MAGI2: variants seen among roughly 807,000 people sequenced by gnomAD.
The protein encoded by MAGI2 is membrane-associated guanylate kinase, WW and PDZ domain-containing protein 2.
MAGI2 carries 35 observed loss-of-function variants against 133.3 expected under a neutral mutation model. That is an observed-to-expected ratio of 0.26 (90% CI 0.20 to 0.35). MAGI2 has a LOEUF of 0.35. MAGI2 is among the 10% of genes least tolerant of loss of function. The pLI, the probability that MAGI2 is intolerant of heterozygous loss-of-function variation, is 1.00. For synonymous variants in MAGI2, 729 were observed against 710.6 expected, an observed-to-expected ratio of 1.03 and a Z score of -0.41; for missense variants, 1,636 against 1,863.4, an observed-to-expected ratio of 0.88 and a Z score of 2.25.
At chr7:78,766,948 A>G (rs1825088673) in intron 2 of MAGI2, among the ~76,000 whole-genome samples, 2 of 151,886 alleles carry the variant, frequency 1.3e-5, no homozygotes, top group Non-Finnish European at 2.9e-5. Flanking sequence ...AACCTCTGAT[A>G]TCTGTGAAAC....
chr7:79,198,837 G>C (rs1281525330), intron 1 of MAGI2, among the ~76,000 whole-genome samples: 2 of 151,858 alleles, frequency 1.3e-5, no homozygotes, highest in Non-Finnish European at 2.9e-5. Context: ...GTAGTGAACA[G>C]AGATCGTGCC....
intron 3 of MAGI2, among the ~76,000 whole-genome samples, chr7:78,544,973 G>C (rs1014805399): frequency 1.3e-5 from 2 of 151,298 alleles, no homozygotes; most frequent in Non-Finnish European, 2.9e-5. Context: ...TCTTAATTTC[G>C]TAATCTAGTA....
At chr7:79,101,678 C>G (rs1356711101) in intron 1 of MAGI2, among the ~76,000 whole-genome samples, 1 of 143,614 alleles carries the variant, frequency 7.0e-6, no homozygotes, top group African/African-American at 2.6e-5. Context: ...GAGCCGAGAT[C>G]GCGCCACCGC....
In MAGI2 at chr7:78,347,898, T is replaced by C. The variant is rs933248023; in HGVS notation, c.1104-1855A>G. On this transcript the variant is annotated intron_variant, in intron 7 of 21. Transcript: ENST00000354212. ...TGTGGTGCACAGTGAACTAATAATA[T>C]CTGTGCCTGTAAAGCATGTGAGCTG... is the stretch of plus-strand genomic sequence containing the variant. Among the ~76,000 whole-genome samples the C allele has an allele frequency of 2.6e-5, 4 of 152,350 alleles. 1 individual carries two copies. Among genetic ancestry groups the C allele is most frequent in the Middle Eastern group, 6.8e-3 (2 of 294 alleles).
chr7:78,912,389 T>C (rs1216223475), intron 2 of MAGI2, among the ~76,000 whole-genome samples: 2 of 152,122 alleles, frequency 1.3e-5, no homozygotes. Context: ...GGATACAAAG[T>C]ATTGATCCTG....
At chr7:79,077,006 G>T (rs1196408528) in intron 1 of MAGI2, among the ~76,000 whole-genome samples, 1 of 152,150 alleles carries the variant, frequency 6.6e-6, no homozygotes, top group African/African-American at 2.4e-5. Flanking sequence ...AAATGCCAGG[G>T]ACTGGGATAT....
In MAGI2 at chr7:78,346,039, T is replaced by C; in HGVS notation, c.1108A>G (p.Ile370Val). 4.3e-6 allele frequency: 7 copies of C among 1,613,928 alleles called. No homozygotes were observed. Among genetic ancestry groups the C allele is most frequent in the African/African-American group, 1.3e-5 (1 of 74,996 alleles). ...TTTTCAAACTGTGTTCTTCTATTTA[T>C]GTGGCTAAAAAAGAAAATTTCAGAT... ...PIYGTYYVDH[I>V]NRRTQFENPV... Residue 370 changes from isoleucine to valine, a missense_variant, in exon 8 of 22, where the codon ATA becomes GTA. By Grantham distance (29) the Ile-to-Val change is conservative. This residue lies in a region of MAGI2 where 920 missense variants were observed against 1,093.5 expected (regional missense o/e 0.84). Transcript: ENST00000354212.
At chr7:78,244,189 A>G (rs1039628298) in intron 10 of MAGI2, among the ~76,000 whole-genome samples, 2 of 144,710 alleles carry the variant, frequency 1.4e-5, no homozygotes, top group Admixed American at 1.4e-4. Context: ...AAAAAAAAAA[A>G]AAAAGAAAAA....
Position 79,420,619 on chromosome 7 carries a change from A to C in MAGI2, c.301+32401T>G, listed in dbSNP as rs114188821. Among the ~76,000 whole-genome samples, 381 of 152,134 alleles carry C rather than the reference A, an allele frequency of 2.5e-3. 2 individuals are homozygous for C. Among genetic ancestry groups the C allele is most frequent in the African/African-American group, 9.0e-3 (372 of 41,560 alleles). On this transcript the variant is annotated intron_variant, in intron 1 of 21. Transcript: ENST00000354212. Reference sequence around the variant, plus strand: ...CACATATTACAGCATCAGCATTTGCAGCTCAAGAAGCCACTGATGAGTCAG... The same window carrying C: ...CACATATTACAGCATCAGCATTTGCCGCTCAAGAAGCCACTGATGAGTCAG...
At chr7:78,220,598 A>C (rs1788713989) in intron 10 of MAGI2, among the ~76,000 whole-genome samples, 1 of 151,312 alleles carries the variant, frequency 6.6e-6, no homozygotes, top group Non-Finnish European at 1.5e-5. Flanking sequence ...TATTTTTGTT[A>C]GTTTGATCAG....
intron 9 of MAGI2, among the ~76,000 whole-genome samples, chr7:78,338,978 CTT>C (rs1562850134): frequency 1.1e-5 from 1 of 91,326 alleles, no homozygotes; most frequent in African/African-American, 3.8e-5. Context: ...GACCCCATCT[CTT>C]GAGAAAACAA....
chr7:78,591,119 T>C (rs931183640), intron 3 of MAGI2, among the ~76,000 whole-genome samples: 2 of 152,170 alleles, frequency 1.3e-5, no homozygotes, highest in Non-Finnish European at 2.9e-5. Context: ...AAAATATGTA[T>C]ATGAATAAAT....
intron 2 of MAGI2, among the ~76,000 whole-genome samples, chr7:78,783,074 T>C (rs769040933): frequency 2.0e-5 from 3 of 149,008 alleles, no homozygotes; most frequent in South Asian, 2.1e-4. Flanking sequence ...TGCAAACATC[T>C]TGATGGCAAA....
At chr7:79,110,864 A>G (rs1016662731) in intron 1 of MAGI2, among the ~76,000 whole-genome samples, 1 of 152,134 alleles carries the variant, frequency 6.6e-6, no homozygotes, top group African/African-American at 2.4e-5. Context: ...TACTATCCTC[A>G]TGATAATGAA....
intron 2 of MAGI2, among the ~76,000 whole-genome samples, chr7:78,679,669 A>T (rs1815434674): frequency 6.6e-6 from 1 of 152,188 alleles, no homozygotes; most frequent in Admixed American, 6.6e-5. Context: ...AGAAAATGCT[A>T]TTCTGGAGTT....
intron 3 of MAGI2, among the ~76,000 whole-genome samples, chr7:78,548,830 T>A (rs1205501695): frequency 3.3e-5 from 5 of 152,242 alleles, no homozygotes; most frequent in Non-Finnish European, 1.5e-5. Context: ...CAATTATTTT[T>A]TCTTTGATTT....
At chr7:78,698,736 C>A (rs1335803450) in intron 2 of MAGI2, among the ~76,000 whole-genome samples, 1 of 152,100 alleles carries the variant, frequency 6.6e-6, no homozygotes, top group African/African-American at 2.4e-5. Flanking sequence ...GGGAAGCCAA[C>A]ACGTCCTTTT....
chr7:78,295,953 AT>A (rs1797189267), intron 9 of MAGI2, among the ~76,000 whole-genome samples: 1 of 152,116 alleles, frequency 6.6e-6, no homozygotes. Flanking sequence ...AATTCAAAAA[AT>A]CTACCAGCCA....
chr7:78,322,323 C>T (rs798297), intron 9 of MAGI2, among the ~76,000 whole-genome samples: 42,036 of 152,010 alleles, frequency 0.28, 6,104 homozygotes, highest in African/African-American at 0.34. Context: ...ATGTTTATTG[C>T]GGCACTATTT....
Sources: gnomAD v4.1 joint callset for allele counts (sites outside exome capture counted in the v4.1 genomes callset) on GRCh38, gnomAD v4.1.1 for gene constraint, gnomAD v4.1.1 regional missense constraint, MANE v1.5 for transcripts, NCBI Gene and HGNC (gene_info 2026-07-23, HGNC 2026-07-21) for gene names.